Variants in DHPS observed in about 807,000 individuals in gnomAD.
DHPS encodes the protein deoxyhypusine synthase.
In DHPS, 24 loss-of-function variants were observed where a neutral mutation model predicts 38.7. The observed-to-expected ratio is 0.62, with a 90% CI of 0.45 to 0.87. The LOEUF (loss-of-function observed/expected upper bound fraction) is 0.87, where lower values mean the gene tolerates loss of function less well. Ranked by LOEUF, DHPS falls within the 40% of genes least tolerant of loss-of-function variation. The pLI is 0.00. For missense variants in DHPS, 510 were observed against 497.6 expected (o/e 1.02, Z -0.24); for synonymous variants, 250 against 204.4 (o/e 1.22, Z -1.90).
rs762919971 is a variant in DHPS, at chr19:12,681,760, C to T, written c.7G>A (p.Gly3Ser). 3.7e-6 allele frequency: 6 copies of T among 1,608,696 alleles called. No individual in the cohort carries two copies. Among genetic ancestry groups the T allele is most frequent in the Non-Finnish European group, 4.2e-6 (5 of 1,179,802 alleles). ME[G>S]SLEREAPAGA... ...GCTGGCGCCTCCCGTTCCAGGGAAC[C>T]TTCCATGCGCCTATAGCCGGCTCTC... The change falls in exon 1 of 9, where the codon GGT becomes AGT. Residue 3 changes from glycine (G) to serine (S), a missense_variant. Transcript: ENST00000210060.
intron 5 of DHPS, among the ~76,000 whole-genome samples, chr19:12,678,501 G>T (rs2024689733): frequency 6.6e-6 from 1 of 151,824 alleles, no homozygotes; most frequent in African/African-American, 2.4e-5. Flanking sequence ...TGGGTGTGGT[G>T]GCTCACCCCT....
downstream of DHPS, chr19:12,673,370 T>C: frequency 9.1e-7 from 1 of 1,100,050 alleles, no homozygotes; most frequent in Non-Finnish European, 1.3e-6. Flanking sequence ...ATCTCAGCCC[T>C]GTCCTTACCT....
rs951223351 is a variant in DHPS at position 12,680,077 on chromosome 19, T to C, written c.372+84A>G. The stretch of plus-strand genomic sequence containing the variant: ...TATTCCTCTGCTTATAACAGACCCC[T>C]ATCTGCCCATCTCACTTAAACGATC... On this transcript the variant is annotated intron_variant, in intron 2 of 8. Coordinates refer to ENST00000210060, the MANE Select transcript of DHPS (RefSeq NM_001930.4). The C allele has an allele frequency of 1.1e-5, 18 of 1,579,542 alleles. No individual in the cohort carries two copies. The African/African-American group carries it at 1.5e-4, about 13-fold the overall frequency.
At chr19:12,680,369 C>T in intron 1 of DHPS, 44 bp from the exon 2 acceptor site, 1 of 1,609,778 alleles carries the variant, frequency 6.2e-7, no homozygotes, top group South Asian at 1.1e-5. Flanking sequence ...GCCTTAAATC[C>T]CAGACTCAGG....
chr19:12,677,196 T>C lies in DHPS; in HGVS notation c.800A>G (p.Asn267Ser). The change falls in exon 7 of 9, where the codon AAC (asparagine) becomes AGC (serine). Residue 267 changes from asparagine to serine, a missense_variant. Transcript: ENST00000210060. The part of the protein sequence containing the change: ...LDIVEDLRLI[N>S]TQAIFAKCTG... Reference sequence around the variant, plus strand: ...GCACTTGGCAAAGATGGCCTGTGTGTTGATGAGCCTCAGGTCTGGGGGAAG... The same window carrying C: ...GCACTTGGCAAAGATGGCCTGTGTGCTGATGAGCCTCAGGTCTGGGGGAAG... 1.2e-6 allele frequency: 2 copies of C among 1,614,234 alleles called. No individual in the cohort carries two copies. Among genetic ancestry groups the C allele is most frequent in the South Asian group, 1.1e-5 (1 of 91,088 alleles).
chr19:12,674,988 C>A (rs2024529883), downstream of DHPS, among the ~76,000 whole-genome samples: 1 of 152,002 alleles, frequency 6.6e-6, no homozygotes, highest in Non-Finnish European at 1.5e-5. Context: ...GTAGCGCGTG[C>A]CTGTAATCCC....
At chr19:12,681,120 C>G (rs2024795141) in intron 1 of DHPS, 1 of 1,277,922 alleles carries the variant, frequency 7.8e-7, no homozygotes. Flanking sequence ...GCATGCGCCA[C>G]CGCGCCCAGC....
intron 3 of DHPS, 32 bp downstream of exon 3, chr19:12,679,769 C>T (rs775702897): frequency 3.1e-6 from 5 of 1,614,062 alleles, no homozygotes; most frequent in Non-Finnish European, 4.2e-6. Flanking sequence ...CTTGGTCCAG[C>T]TCCCCTGCCC....
chr19:12,675,473 C>T, downstream of DHPS: 3 of 1,578,686 alleles, frequency 1.9e-6, no homozygotes, highest in Admixed American at 1.7e-5. Flanking sequence ...CCTCAGAAAC[C>T]AGGGTACAGC....
Position 12,677,293 on chromosome 19 carries a change from T to G in DHPS, c.782A>C (p.Glu261Ala). ...KNPGLVLDIV[E>A]DLRLINTQAI... ...CCTCTGTGGCCCTAGCGCCTCACCC[T>G]CAACGATGTCCAGGACCAGGCCCGG... Residue 261 changes from glutamate (E) to alanine (A), a missense_variant and splice_region_variant, in exon 6 of 9, where the codon GAG (glutamate) becomes GCG (alanine). Coordinates refer to ENST00000210060, the MANE Select transcript of DHPS (RefSeq NM_001930.4). 1 of 1,614,136 alleles carries G rather than the reference T, an allele frequency of 6.2e-7. No homozygotes were observed.
chr19:12,679,661 G>A lies in DHPS; in HGVS notation c.553C>T (p.Pro185Ser), dbSNP rs1341208737. The A allele has an allele frequency of 7.4e-6, 12 of 1,614,032 alleles. No individual in the cohort carries two copies. Among genetic ancestry groups the A allele is most frequent in the Non-Finnish European group, 8.5e-6 (10 of 1,180,036 alleles). ...TCCATCACCATCTGGTCCAGAATGGGCATCAGCCAGTCCTCAAACTTGCAG... is the reference window on the plus strand; with the variant it reads ...TCCATCACCATCTGGTCCAGAATGGACATCAGCCAGTCCTCAAACTTGCAG... Reference protein sequence around the residue: ...NYCKFEDWLMPILDQMVMEQN... With the variant: ...NYCKFEDWLMSILDQMVMEQN... The change falls in exon 4 of 9, where the codon CCC becomes TCC. Residue 185 changes from proline (P) to serine (S), a missense_variant. Physicochemically the swap from Pro to Ser is moderately conservative, Grantham distance 74. Coordinates refer to ENST00000210060, the MANE Select transcript of DHPS (RefSeq NM_001930.4).
chr19:12,675,705 G>C, downstream of DHPS: 2 of 1,595,844 alleles, frequency 1.3e-6, no homozygotes, highest in Non-Finnish European at 1.7e-6. Flanking sequence ...ACCAAGGACC[G>C]AGACACAGAC....
chr19:12,680,307 G>C lies in DHPS; in HGVS notation c.226C>G (p.Pro76Ala). The change falls in exon 2 of 9, where the codon CCA (proline) becomes GCA (alanine). Residue 76 changes from proline to alanine, a missense_variant. Pro to Ala is a conservative substitution (Grantham distance 27). Coordinates refer to ENST00000210060, the MANE Select transcript of DHPS (RefSeq NM_001930.4). ...VNAMIEKKLE[P>A]LSQDEDQHAD... ...TGCTGGTCTTCATCCTGTGACAGTG[G>C]TTCCAGCTTCTTCTCGATCTGTGAG... 6.2e-7 allele frequency: 1 copy of C among 1,614,144 alleles called. No individual in the cohort carries two copies. Among genetic ancestry groups the C allele is most frequent in the South Asian group, 1.1e-5 (1 of 91,084 alleles).
intron 5 of DHPS, 59 bp downstream of exon 5, chr19:12,679,398 G>A (rs887773203): frequency 6.0e-6 from 9 of 1,494,894 alleles, no homozygotes; most frequent in Non-Finnish European, 7.5e-6. Context: ...AGGCTGGAAA[G>A]ATGAAATAAG....
chr19:12,679,915 A>G lies in DHPS; in HGVS notation c.380T>C (p.Val127Ala), dbSNP rs752287167. ...CACGCCGCCAGCTGTGGTCACCAAT[A>G]CGTCCACCTGCAGCCACAAGGCAGT... ...RYLVQHNMVD[V>A]LVTTAGGVEE... The change falls in exon 3 of 9, where the codon GTA becomes GCA. Residue 127 changes from valine to alanine, a missense_variant. Transcript: ENST00000210060. 14 of 1,612,778 alleles carry G rather than the reference A, an allele frequency of 8.7e-6. No homozygotes were observed. The African/African-American group carries it at 1.7e-4, about 20-fold the overall frequency.
intron 1 of DHPS, 69 bp downstream of exon 1, chr19:12,681,491 C>G (rs534532717): frequency 1.3e-6 from 2 of 1,553,418 alleles, no homozygotes; most frequent in South Asian, 2.3e-5. Context: ...ACGCTGCCCC[C>G]GTCTAGTACC....
At chr19:12,673,360 A>G (rs10414810), downstream of DHPS, 10,378 of 1,428,224 alleles carry the variant, frequency 7.3e-3, 592 homozygotes, top group African/African-American at 0.13. Context: ...TGCCTGCCCC[A>G]TCTCAGCCCT....
At chr19:12,681,495 T>C in intron 1 of DHPS, 65 bp downstream of exon 1, 4 of 1,574,172 alleles carry the variant, frequency 2.5e-6, no homozygotes, top group East Asian at 2.3e-5. Flanking sequence ...TGCCCCCGTC[T>C]AGTACCGCGT....
In DHPS at chr19:12,681,868, G is replaced by A. The variant is rs2024832384; in HGVS notation, c.-102C>T. ...ACGCGCGCGTCTCCGCAAGAGCACA[G>A]GAAGTAGGGAACGTGCTTTGGGCGA... is the stretch of plus-strand genomic sequence containing the variant. On this transcript the variant is annotated 5_prime_UTR_variant, in exon 1 of 9. Transcript: ENST00000210060. 4.9e-6 allele frequency: 5 copies of A among 1,023,912 alleles called. No homozygotes were observed. Among genetic ancestry groups the A allele is most frequent in the South Asian group, 1.4e-5 (1 of 69,646 alleles). 63.4% of individuals were successfully genotyped at this position (1,023,912 alleles called of 1,614,324 possible). A position where few individuals can be genotyped will look rare whatever the true frequency, so the allele number is the denominator to read the frequency against.
Sources: gnomAD v4.1 joint callset for allele counts (sites outside exome capture counted in the v4.1 genomes callset) on GRCh38, gnomAD v4.1.1 for gene constraint, MANE v1.5 for transcripts, NCBI Gene and HGNC (gene_info 2026-07-23, HGNC 2026-07-21) for gene names.